ANKRD6: variants seen among roughly 807,000 people sequenced by gnomAD.
ANKRD6 encodes the protein ankyrin repeat domain-containing protein 6.
ANKRD6 carries 56 observed loss-of-function variants against 82.3 expected under a neutral mutation model. The observed-to-expected ratio is 0.68, with a 90% confidence interval of 0.55 to 0.85. The LOEUF is 0.85. Ranked by LOEUF, ANKRD6 falls within the 40% of genes least tolerant of loss-of-function variation. The pLI, the probability that ANKRD6 is intolerant of heterozygous loss-of-function variation, is 0.00. For synonymous variants in ANKRD6, 347 were observed against 352.1 expected (o/e 0.99, Z 0.16); for missense variants, 852 against 907.6 (o/e 0.94, Z 0.79).
chr6:89,607,704 G>T, intron 5 of ANKRD6, among the ~76,000 whole-genome samples: 1 of 144,956 alleles, frequency 6.9e-6, no homozygotes, highest in Non-Finnish European at 1.5e-5. Context: ...CACCCAGGCT[G>T]GAGTGCAATG....
intron 4 of ANKRD6, among the ~76,000 whole-genome samples, chr6:89,605,456 A>T (rs1798299624): frequency 6.6e-6 from 1 of 152,098 alleles, no homozygotes; most frequent in Non-Finnish European, 1.5e-5. Flanking sequence ...CCTGTTCATT[A>T]TTTGTTTGGG....
chr6:89,581,874 G>A (rs1016967449), intron 2 of ANKRD6, among the ~76,000 whole-genome samples: 1 of 152,038 alleles, frequency 6.6e-6, no homozygotes, highest in East Asian at 1.9e-4. Context: ...CTCCGGGTTA[G>A]CACATCCACA....
chr6:89,625,442 A>T (rs961869433), intron 13 of ANKRD6, among the ~76,000 whole-genome samples: 2 of 152,206 alleles, frequency 1.3e-5, no homozygotes, highest in Non-Finnish European at 2.9e-5. Context: ...GTTTTCAAAC[A>T]TACAGAAAAG....
intron 14 of ANKRD6, chr6:89,628,761 CT>C (rs1449658048): frequency 1.5e-5 from 4 of 270,688 alleles, no homozygotes; most frequent in African/African-American, 6.9e-5. Context: ...CAGAGCGAGA[CT>C]TCCATCTCAA....
At chr6:89,480,291 T>C (rs2127806153) in intron 1 of ANKRD6, among the ~76,000 whole-genome samples, 1 of 152,302 alleles carries the variant, frequency 6.6e-6, no homozygotes, top group South Asian at 2.1e-4. Flanking sequence ...CAAAATCCCA[T>C]TTATGTTGGC....
At chr6:89,491,416 C>A (rs892621248) in intron 1 of ANKRD6, among the ~76,000 whole-genome samples, 2 of 152,172 alleles carry the variant, frequency 1.3e-5, no homozygotes, top group Non-Finnish European at 2.9e-5. Context: ...TCCATACAAT[C>A]TAGGAAGAAT....
intron 1 of ANKRD6, among the ~76,000 whole-genome samples, chr6:89,453,676 T>G (rs2127959285): frequency 6.6e-6 from 1 of 152,224 alleles, no homozygotes; most frequent in Non-Finnish European, 1.5e-5. Context: ...GCCTCCCAGG[T>G]TCAAGCTATT....
intron 1 of ANKRD6, among the ~76,000 whole-genome samples, chr6:89,438,231 A>G (rs1770892009): frequency 6.6e-6 from 1 of 152,204 alleles, no homozygotes; most frequent in African/African-American, 2.4e-5. Flanking sequence ...AATCTAGCTC[A>G]CACAAGTCCT....
At chr6:89,440,790 A>G (rs529790398) in intron 1 of ANKRD6, among the ~76,000 whole-genome samples, 4 of 150,848 alleles carry the variant, frequency 2.7e-5, no homozygotes, top group South Asian at 2.1e-4. Flanking sequence ...TAGGCAACAT[A>G]GCAAGATCCC....
Position 89,552,291 on chromosome 6 carries a change from T to C in ANKRD6, c.-143-14543T>C, listed in dbSNP as rs866389630. Among the ~76,000 whole-genome samples, 17 of 152,328 alleles carry C rather than the reference T, an allele frequency of 1.1e-4. No homozygotes were observed. The Middle Eastern group carries it at 0.014, about 123-fold the overall frequency. On this transcript the variant is annotated intron_variant, in intron 1 of 15. Coordinates refer to ENST00000339746, the MANE Select transcript of ANKRD6 (RefSeq NM_001242809.2). The stretch of plus-strand genomic sequence containing the variant: ...GAGTCCACCAGGTTAGAGTGCTTCT[T>C]CCTGCCATGGACTGCACATGCACAT...
intron 1 of ANKRD6, among the ~76,000 whole-genome samples, chr6:89,452,106 A>G (rs555193351): frequency 1.6e-3 from 247 of 152,298 alleles, no homozygotes; most frequent in Non-Finnish European, 3.1e-3. Context: ...ACCTGAGCCC[A>G]GGAGTTGAGT....
intron 1 of ANKRD6, among the ~76,000 whole-genome samples, chr6:89,493,054 G>A (rs1441969956): frequency 6.6e-6 from 1 of 152,164 alleles, no homozygotes; most frequent in Admixed American, 6.5e-5. Flanking sequence ...AATGATAGGT[G>A]TGAATATATG....
At chr6:89,539,798 A>T (rs1784259167) in intron 1 of ANKRD6, among the ~76,000 whole-genome samples, 1 of 149,128 alleles carries the variant, frequency 6.7e-6, no homozygotes. Flanking sequence ...AGCCCCCAAT[A>T]ACTCCCCAAC....
chr6:89,446,470 A>G (rs565633959), intron 1 of ANKRD6, among the ~76,000 whole-genome samples: 1 of 152,364 alleles, frequency 6.6e-6, no homozygotes, highest in East Asian at 1.9e-4. Flanking sequence ...CAAGAGTTAG[A>G]ATTAATATTA....
At chr6:89,504,395 T>TCGCTCTCGCTCG (rs149131757) in intron 1 of ANKRD6, among the ~76,000 whole-genome samples, 6 of 151,956 alleles carry the variant, frequency 3.9e-5, no homozygotes, top group Non-Finnish European at 5.9e-5. Flanking sequence ...AGTCTCTCTC[T>TCGCTCTCGCTCG]CGCTCTCGCT....
chr6:89,624,035 G>A lies in ANKRD6; in HGVS notation c.1196G>A (p.Gly399Asp), dbSNP rs778626239. The A allele has an allele frequency of 1.2e-6, 2 of 1,611,704 alleles. No individual in the cohort carries two copies. The highest frequency in any genetic ancestry group is 2.2e-5 in the South Asian group (2 of 90,680). ...TATCAGCTCTACACATTGTACCGGG[G>A]CAAGGATGGGAAAGTGATGCAGGTA... is the stretch of plus-strand genomic sequence containing the variant. ...RAYQLYTLYRGKDGKVMQAPI... is the reference protein window; with the variant it reads ...RAYQLYTLYRDKDGKVMQAPI... The change falls in exon 12 of 16, where the codon GGC (glycine) becomes GAC (aspartate). Residue 399 changes from glycine to aspartate, a missense_variant. Coordinates refer to ENST00000339746, the MANE Select transcript of ANKRD6 (RefSeq NM_001242809.2).
intron 14 of ANKRD6, 142 bp downstream of exon 14, chr6:89,627,838 T>C (rs1806223061): frequency 3.0e-6 from 2 of 656,764 alleles, no homozygotes; most frequent in East Asian, 2.8e-5. Flanking sequence ...TTTATGATAC[T>C]GAAATGAGGT....
Position 89,630,831 on chromosome 6 carries a change from T to G in ANKRD6, c.2011T>G (p.Phe671Val). The G allele has an allele frequency of 6.2e-7, 1 of 1,613,952 alleles. No individual in the cohort carries two copies. The highest frequency in any genetic ancestry group is 8.5e-7 in the Non-Finnish European group (1 of 1,179,900). ...TSQALELTQYFFEAVSTQMEK... is the reference protein window; with the variant it reads ...TSQALELTQYVFEAVSTQMEK... ...CCAAGCTCTGGAGCTTACCCAGTAT[T>G]TTTTTGAGGCTGTTTCTACCCAGAT... The change falls in exon 16 of 16, where the codon TTT (phenylalanine) becomes GTT (valine). Residue 671 changes from phenylalanine to valine, a missense_variant. Phe to Val is a conservative substitution (Grantham distance 50, BLOSUM62 -1). Transcript: ENST00000339746.
chr6:89,455,318 AG>A (rs1376030006), intron 1 of ANKRD6, among the ~76,000 whole-genome samples: 7 of 152,040 alleles, frequency 4.6e-5, no homozygotes. Flanking sequence ...CTTGGCTTCC[AG>A]GGAGGCCTCA....
Sources: allele counts gnomAD v4.1 joint callset (sites outside exome capture counted in the v4.1 genomes callset), GRCh38; gene constraint gnomAD v4.1.1; transcripts MANE v1.5; gene names NCBI Gene and HGNC (gene_info 2026-07-23, HGNC 2026-07-21).